The following TMEM232 variants were observed in gnomAD, a reference collection of about 807,000 sequenced individuals.
TMEM232 encodes the protein transmembrane protein 232.
A neutral mutation model predicts 78.8 loss-of-function variants in TMEM232; 80 were observed. The observed-to-expected ratio is 1.01, with a 90% CI of 0.85 to 1.22. The LOEUF (loss-of-function observed/expected upper bound fraction) is 1.22. Ranked by LOEUF, TMEM232 falls within the 50% of genes most tolerant of loss-of-function variation. The pLI is 0.00. For synonymous variants in TMEM232, 297 were observed against 254.3 expected, an observed-to-expected ratio of 1.17 and a Z score of -1.60; for missense variants, 881 against 742.2, an observed-to-expected ratio of 1.19 and a Z score of -2.17.
intron 12 of TMEM232, among the ~76,000 whole-genome samples, chr5:110,524,910 A>C (rs1770347303): frequency 6.6e-6 from 1 of 151,912 alleles, no homozygotes; most frequent in Non-Finnish European, 1.5e-5. Flanking sequence ...TGTTTTTTGC[A>C]ATACTTTCTC....
chr5:110,442,266 G>A (rs759227544), intron 12 of TMEM232, among the ~76,000 whole-genome samples: 6 of 151,686 alleles, frequency 4.0e-5, no homozygotes, highest in South Asian at 2.1e-4. Context: ...TTCCCCTTTC[G>A]AGGTTATTTT....
chr5:110,477,755 T>C (rs1197263135), intron 12 of TMEM232, among the ~76,000 whole-genome samples: 1 of 151,880 alleles, frequency 6.6e-6, no homozygotes, highest in Non-Finnish European at 1.5e-5. Flanking sequence ...TCAACATCCA[T>C]CAAATGAATT....
At chr5:110,517,169 G>C (rs895020187) in intron 12 of TMEM232, among the ~76,000 whole-genome samples, 5 of 152,180 alleles carry the variant, frequency 3.3e-5, no homozygotes, top group Admixed American at 2.6e-4. Context: ...GGATGAAAAA[G>C]AACTGTATGA....
chr5:110,576,013 G>A (rs1242013806), intron 10 of TMEM232, among the ~76,000 whole-genome samples: 1 of 151,978 alleles, frequency 6.6e-6, no homozygotes, highest in Non-Finnish European at 1.5e-5. Flanking sequence ...TGAATCCAGG[G>A]GGCCGCGCAG....
In TMEM232 at chr5:110,454,280, CAAAT is replaced by C. The variant is rs1561515020; in HGVS notation, c.1704-29368_1704-29365del. The stretch of plus-strand genomic sequence containing the variant: ...TAAATCAAATCATAACAAATTTAAA[CAAAT>C]AAAAAAATCACACCAAGTGAATTAT... On this transcript the variant is annotated intron_variant, in intron 12 of 13. Transcript: ENST00000455884. Among the ~76,000 whole-genome samples the C allele has an allele frequency of 8.6e-5, 13 of 151,948 alleles. 1 individual carries two copies. The highest frequency in any genetic ancestry group is 3.4e-3 in the Middle Eastern group (1 of 294).
intron 11 of TMEM232, among the ~76,000 whole-genome samples, chr5:110,566,553 C>T (rs1214688408): frequency 1.3e-5 from 2 of 151,970 alleles, no homozygotes; most frequent in African/African-American, 4.8e-5. Flanking sequence ...CAAAATGCTG[C>T]CAGTCTCTTT....
chr5:110,687,317 G>A (rs185131993), intron 1 of TMEM232, among the ~76,000 whole-genome samples: 24 of 152,178 alleles, frequency 1.6e-4, no homozygotes, highest in Non-Finnish European at 1.9e-4. Flanking sequence ...GCTGCTAATT[G>A]GAGCATATAT....
At chr5:110,672,577 G>T (rs1441276573) in intron 1 of TMEM232, among the ~76,000 whole-genome samples, 1 of 152,078 alleles carries the variant, frequency 6.6e-6, no homozygotes, top group East Asian at 1.9e-4. Context: ...AAAAGAAAAA[G>T]AAAATTAATG....
rs143934556 is a variant in TMEM232 at position 110,654,131 on chromosome 5, A to G, written c.126-11760T>C. Reference sequence around the variant, plus strand: ...CTTCTCTGAAAAGTGTTCGTTATTAACAGTCCCTGCTGCACTGGGGCCTAA... The same window carrying G: ...CTTCTCTGAAAAGTGTTCGTTATTAGCAGTCCCTGCTGCACTGGGGCCTAA... On this transcript the variant is annotated intron_variant, in intron 2 of 13. Transcript: ENST00000455884. Among the ~76,000 whole-genome samples the G allele has an allele frequency of 2.7e-3, 416 of 152,276 alleles. 6 individuals are homozygous for G. The highest frequency in any genetic ancestry group is 9.5e-3 in the African/African-American group (394 of 41,558).
At chr5:110,560,630 T>C (rs1359778926) in intron 11 of TMEM232, among the ~76,000 whole-genome samples, 1 of 152,100 alleles carries the variant, frequency 6.6e-6, no homozygotes, top group Admixed American at 6.6e-5. Flanking sequence ...AAAAATAATT[T>C]TTGAGCTGAC....
intron 10 of TMEM232, among the ~76,000 whole-genome samples, chr5:110,599,187 G>C (rs1465760468): frequency 6.6e-6 from 1 of 151,980 alleles, no homozygotes; most frequent in Non-Finnish European, 1.5e-5. Flanking sequence ...ATATGGAAAG[G>C]AAAGACCAGT....
intron 1 of TMEM232, among the ~76,000 whole-genome samples, chr5:110,715,309 T>C (rs1796902972): frequency 6.6e-6 from 1 of 151,652 alleles, no homozygotes; most frequent in African/African-American, 2.4e-5. Context: ...GCTGAAGAAA[T>C]ATAAATTTTG....
intron 12 of TMEM232, among the ~76,000 whole-genome samples, chr5:110,517,817 A>G (rs1250235675): frequency 1.3e-5 from 2 of 152,180 alleles, no homozygotes; most frequent in Admixed American, 6.5e-5. Flanking sequence ...GTGATGTATG[A>G]TTGCCATTTA....
At chr5:110,436,273 T>C (rs559039195) in intron 12 of TMEM232, among the ~76,000 whole-genome samples, 2 of 152,220 alleles carry the variant, frequency 1.3e-5, no homozygotes, top group African/African-American at 2.4e-5. Flanking sequence ...GAAATGTCTA[T>C]TGAAATATTT....
intron 8 of TMEM232, among the ~76,000 whole-genome samples, chr5:110,617,290 G>A (rs1029843433): frequency 2.6e-5 from 4 of 152,196 alleles, no homozygotes; most frequent in African/African-American, 9.6e-5. Context: ...ATGGGCAAAA[G>A]AGGAGATGCC....
At chr5:110,645,124 T>G (rs138629889) in intron 2 of TMEM232, among the ~76,000 whole-genome samples, 1 of 151,520 alleles carries the variant, frequency 6.6e-6, no homozygotes, top group African/African-American at 2.4e-5. Context: ...GACCAGGTGG[T>G]TTCATGGTTG....
chr5:110,687,644 G>GT (rs1793585700), intron 1 of TMEM232, among the ~76,000 whole-genome samples: 1 of 151,992 alleles, frequency 6.6e-6, no homozygotes, highest in African/African-American at 2.4e-5. Flanking sequence ...AAAAAAGGTA[G>GT]TTTTGGTTTC....
At chr5:110,683,501 AAAG>A (rs1561508597) in intron 1 of TMEM232, among the ~76,000 whole-genome samples, 1 of 151,970 alleles carries the variant, frequency 6.6e-6, no homozygotes, top group Admixed American at 6.6e-5. Flanking sequence ...ATAATAATCA[AAAG>A]AATAACCAGC....
chr5:110,571,412 A>C (rs1028142005), intron 10 of TMEM232, among the ~76,000 whole-genome samples: 13 of 152,050 alleles, frequency 8.5e-5, no homozygotes, highest in Non-Finnish European at 1.6e-4. Flanking sequence ...ACAGCAAATC[A>C]AGACATTTAG....
Sources: allele counts gnomAD v4.1 joint callset (sites outside exome capture counted in the v4.1 genomes callset), GRCh38; gene constraint gnomAD v4.1.1; transcripts MANE v1.5; gene names NCBI Gene and HGNC (gene_info 2026-07-23, HGNC 2026-07-21).